FLI1: variants seen among roughly 807,000 people sequenced by gnomAD.
FLI1 encodes Friend leukemia integration 1 transcription factor.
A neutral mutation model predicts 53.1 loss-of-function variants in FLI1; 13 were observed. The observed-to-expected ratio is 0.24, with a 90% CI of 0.16 to 0.39. The LOEUF is 0.39. FLI1 is among the 10% of genes least tolerant of loss of function. FLI1 has a pLI of 1.00. For missense variants in FLI1, 424 were observed against 600.5 expected, an observed-to-expected ratio of 0.71 and a Z score of 3.07; for synonymous variants, 244 against 236.7, an observed-to-expected ratio of 1.03 and a Z score of -0.28.
chr11:128,799,263 T>G (rs1942553401), intron 5 of FLI1, among the ~76,000 whole-genome samples: 1 of 151,946 alleles, frequency 6.6e-6, no homozygotes, highest in Admixed American at 6.6e-5. Flanking sequence ...AGCACAGGAA[T>G]AAAACTGTCC....
intron 4 of FLI1, 47 bp downstream of exon 4, chr11:128,773,032 A>G: frequency 6.4e-7 from 1 of 1,560,930 alleles, no homozygotes. Context: ...CTTGGCATGG[A>G]GCCAACCCAG....
intron 4 of FLI1, among the ~76,000 whole-genome samples, chr11:128,774,279 C>T (rs542691536): frequency 6.6e-6 from 1 of 152,212 alleles, no homozygotes; most frequent in Admixed American, 6.5e-5. Context: ...GTAACTAGTG[C>T]GAGAAAGTAG....
chr11:128,777,253 C>CGG (rs1317737901), intron 4 of FLI1, among the ~76,000 whole-genome samples: 1 of 151,952 alleles, frequency 6.6e-6, no homozygotes, highest in Non-Finnish European at 1.5e-5. Context: ...CCCGAGGCCC[C>CGG]GGGGGAGGTG....
At chr11:128,781,321 A>G (rs1941910041) in intron 4 of FLI1, among the ~76,000 whole-genome samples, 1 of 152,220 alleles carries the variant, frequency 6.6e-6, no homozygotes, top group African/African-American at 2.4e-5. Context: ...ACATAAACCC[A>G]GAAGATACCA....
intron 5 of FLI1, among the ~76,000 whole-genome samples, chr11:128,784,290 G>A (rs751363557): frequency 3.7e-5 from 5 of 133,668 alleles, no homozygotes; most frequent in African/African-American, 5.7e-5. Flanking sequence ...TTGTTCAGCC[G>A]TGTCCTCTAC....
At chr11:128,735,979 A>T (rs990326559) in intron 1 of FLI1, among the ~76,000 whole-genome samples, 1 of 152,228 alleles carries the variant, frequency 6.6e-6, no homozygotes, top group African/African-American at 2.4e-5. Flanking sequence ...AAGTTCTTAA[A>T]TACTGAAACC....
chr11:128,782,658 A>T (rs1011821002), intron 5 of FLI1, among the ~76,000 whole-genome samples: 1 of 152,158 alleles, frequency 6.6e-6, no homozygotes, highest in Non-Finnish European at 1.5e-5. Context: ...AGTTCGCGCC[A>T]CTGCACTCCA....
At chr11:128,738,284 T>C (rs1939988744) in intron 1 of FLI1, among the ~76,000 whole-genome samples, 1 of 152,172 alleles carries the variant, frequency 6.6e-6, no homozygotes, top group Admixed American at 6.5e-5. Context: ...TACTCTACAC[T>C]CCATCTTCCA....
intron 3 of FLI1, 77 bp downstream of exon 3, chr11:128,768,349 A>G (rs1565490508): frequency 6.5e-7 from 1 of 1,544,368 alleles, no homozygotes; most frequent in Admixed American, 1.7e-5. Flanking sequence ...CTAAACCTTT[A>G]TCTGATACTC....
At chr11:128,773,829 G>A in intron 4 of FLI1, among the ~76,000 whole-genome samples, 1 of 151,828 alleles carries the variant, frequency 6.6e-6, no homozygotes, top group Non-Finnish European at 1.5e-5. Context: ...GGCCTGAAAA[G>A]ATGGTGCTAG....
intron 5 of FLI1, among the ~76,000 whole-genome samples, chr11:128,792,006 A>C (rs1164453279): frequency 6.6e-6 from 1 of 152,204 alleles, no homozygotes; most frequent in African/African-American, 2.4e-5. Context: ...TATGCCCCAG[A>C]CAGCCACAAT....
chr11:128,696,749 T>C (rs1400780087), intron 1 of FLI1, among the ~76,000 whole-genome samples: 1 of 152,188 alleles, frequency 6.6e-6, no homozygotes, highest in Non-Finnish European at 1.5e-5. Flanking sequence ...AAAATCAGGT[T>C]TGAGTGATTC....
At chr11:128,709,560 A>G (rs767119293) in intron 1 of FLI1, among the ~76,000 whole-genome samples, 57 of 152,252 alleles carry the variant, frequency 3.7e-4, no homozygotes, top group Middle Eastern at 3.4e-3. Flanking sequence ...TGAAACTCCC[A>G]TCCCAATCAA....
At chr11:128,779,844 C>T (rs1941853984) in intron 4 of FLI1, among the ~76,000 whole-genome samples, 1 of 152,196 alleles carries the variant, frequency 6.6e-6, no homozygotes, top group South Asian at 2.1e-4. Flanking sequence ...AATGTACTTA[C>T]ACAAACCCAC....
intron 1 of FLI1, among the ~76,000 whole-genome samples, chr11:128,757,449 G>A (rs1039403893): frequency 6.6e-6 from 1 of 152,120 alleles, no homozygotes; most frequent in Non-Finnish European, 1.5e-5. Flanking sequence ...CTCCTAGAGG[G>A]CCCTCAGCAA....
upstream of FLI1, chr11:128,686,487 C>A (rs1002457368): frequency 2.2e-6 from 1 of 455,904 alleles, no homozygotes; most frequent in Non-Finnish European, 4.4e-6. Flanking sequence ...CCCAACCACT[C>A]GGACCCTCCC....
At chr11:128,686,491 C>A (rs1243732695), upstream of FLI1, 2 of 456,452 alleles carry the variant, frequency 4.4e-6, no homozygotes, top group Non-Finnish European at 8.8e-6. Context: ...ACCACTCGGA[C>A]CCTCCCTCGC....
chr11:128,775,514 T>C (rs1941702989), intron 4 of FLI1, among the ~76,000 whole-genome samples: 1 of 152,142 alleles, frequency 6.6e-6, no homozygotes. Flanking sequence ...GACCCTCTAG[T>C]GTGAGGTGGT....
chr11:128,783,841 A>G (rs1309101737), intron 5 of FLI1, among the ~76,000 whole-genome samples: 1 of 152,188 alleles, frequency 6.6e-6, no homozygotes, highest in Admixed American at 6.5e-5. Flanking sequence ...TATGTTCTAC[A>G]TACTGAGTTT....
Sources: allele counts gnomAD v4.1 joint callset (sites outside exome capture counted in the v4.1 genomes callset), GRCh38; gene constraint gnomAD v4.1.1; transcripts MANE v1.5; gene names NCBI Gene and HGNC (gene_info 2026-07-23, HGNC 2026-07-21).